PDE7A: variants seen among roughly 807,000 people sequenced by gnomAD.
PDE7A encodes the protein phosphodiesterase 7A, also known as high affinity 3',5'-cyclic-AMP phosphodiesterase 7A.
A neutral mutation model predicts 64.3 loss-of-function variants in PDE7A; 39 were observed. The observed-to-expected ratio is 0.61, with a 90% CI of 0.47 to 0.79. The LOEUF (loss-of-function observed/expected upper bound fraction) is 0.79, where lower values mean the gene tolerates loss of function less well. PDE7A is among the 30% of genes least tolerant of loss of function. The pLI is 0.00. For missense variants in PDE7A, 470 were observed against 582.8 expected (o/e 0.81, Z 1.99); for synonymous variants, 203 against 206.8 (o/e 0.98, Z 0.16).
chr8:65,757,776 G>A (rs370061236), intron 3 of PDE7A, among the ~76,000 whole-genome samples: 2 of 151,992 alleles, frequency 1.3e-5, no homozygotes, highest in East Asian at 1.9e-4. Context: ...GTGCCACCAC[G>A]CCCGGCTAAC....
At chr8:65,719,539 C>T (rs1393952678) in intron 12 of PDE7A, 44 bp from the exon 13 acceptor site, 1 of 1,263,622 alleles carries the variant, frequency 7.9e-7, no homozygotes, top group East Asian at 2.3e-5. Context: ...TATGCTGAAA[C>T]TCTATCTTTA....
At chr8:65,812,728 T>C (rs1485112802) in intron 1 of PDE7A, among the ~76,000 whole-genome samples, 1 of 152,228 alleles carries the variant, frequency 6.6e-6, no homozygotes, top group African/African-American at 2.4e-5. Context: ...ATACGTATTT[T>C]TGAAAAATAC....
chr8:65,825,422 C>A (rs1020661946), intron 1 of PDE7A, among the ~76,000 whole-genome samples: 1 of 152,188 alleles, frequency 6.6e-6, no homozygotes, highest in Non-Finnish European at 1.5e-5. Flanking sequence ...TCAGCCTCCA[C>A]ACCAGCATAG....
rs535121859 is a variant in PDE7A, at chr8:65,717,620, C to A, written c.*1670G>T. 1 of 152,252 alleles carries A rather than the reference C, an allele frequency of 6.6e-6. No individual in the cohort carries two copies. Among genetic ancestry groups the A allele is most frequent in the African/African-American group, 2.4e-5 (1 of 41,558 alleles). The allele number at this position is 152,252 out of a possible 1,614,324, so 9.4% of individuals were successfully genotyped here. A position where few individuals can be genotyped will look rare whatever the true frequency, so the allele number is the denominator to read the frequency against. On this transcript the variant is annotated 3_prime_UTR_variant, in exon 13 of 13. Transcript: ENST00000401827. Reference sequence around the variant, plus strand: ...GAGCCAAGAAGCTAACTTTGATTTCCTTGTAATTTAGCATTGTGTTTTCCA... The same window carrying A: ...GAGCCAAGAAGCTAACTTTGATTTCATTGTAATTTAGCATTGTGTTTTCCA...
intron 1 of PDE7A, among the ~76,000 whole-genome samples, chr8:65,833,105 T>C (rs1311873840): frequency 6.6e-6 from 1 of 152,142 alleles, no homozygotes; most frequent in South Asian, 2.1e-4. Flanking sequence ...CCAATCGAAA[T>C]CTATAACATA....
Position 65,841,973 on chromosome 8 carries a change from G to A in PDE7A, c.-465C>T. ...GCAGCGACCAGCTCGGGCCGCCGCC[G>A]CCGCCGCCGCCGCCGCCGCCGGAGT... On this transcript the variant is annotated 5_prime_UTR_variant, in exon 1 of 13. Coordinates refer to ENST00000401827, the MANE Select transcript of PDE7A (RefSeq NM_001242318.3). 2 of 216,238 alleles carry A rather than the reference G, an allele frequency of 9.2e-6. No homozygotes were observed. The highest frequency in any genetic ancestry group is 3.9e-5 in the South Asian group (1 of 25,936). 13.4% of individuals were successfully genotyped at this position (216,238 alleles called of 1,614,324 possible). A position where few individuals can be genotyped will look rare whatever the true frequency, so the allele number is the denominator to read the frequency against.
intron 1 of PDE7A, among the ~76,000 whole-genome samples, chr8:65,787,013 T>A (rs905147750): frequency 6.6e-6 from 1 of 152,200 alleles, no homozygotes; most frequent in Non-Finnish European, 1.5e-5. Flanking sequence ...AGGTAAATGA[T>A]AAAAGGTGTA....
At chr8:65,757,790 T>C (rs938182077) in intron 3 of PDE7A, among the ~76,000 whole-genome samples, 5 of 152,120 alleles carry the variant, frequency 3.3e-5, no homozygotes, top group African/African-American at 1.2e-4. Flanking sequence ...GGCTAACTTT[T>C]GCATTTTTAG....
At chr8:65,768,065 A>G (rs1348600759) in intron 3 of PDE7A, among the ~76,000 whole-genome samples, 1 of 152,110 alleles carries the variant, frequency 6.6e-6, no homozygotes, top group Non-Finnish European at 1.5e-5. Context: ...GAGGACACCC[A>G]GTTGGTGTCC....
At chr8:65,821,169 A>C (rs998961691) in intron 1 of PDE7A, among the ~76,000 whole-genome samples, 1 of 152,064 alleles carries the variant, frequency 6.6e-6, no homozygotes, top group Non-Finnish European at 1.5e-5. Context: ...TTTTTAAAAA[A>C]ACAAAACAAA....
intron 1 of PDE7A, among the ~76,000 whole-genome samples, chr8:65,788,637 G>T (rs1441283981): frequency 1.3e-5 from 2 of 152,106 alleles, no homozygotes; most frequent in South Asian, 4.2e-4. Context: ...CAGTGATACT[G>T]AGGAATGCTG....
At chr8:65,778,813 A>T (rs943667502) in intron 3 of PDE7A, among the ~76,000 whole-genome samples, 1 of 152,232 alleles carries the variant, frequency 6.6e-6, no homozygotes, top group Non-Finnish European at 1.5e-5. Context: ...GATCACATTA[A>T]TGTATTCGGT....
chr8:65,773,216 C>A (rs1464223053), intron 3 of PDE7A, among the ~76,000 whole-genome samples: 1 of 152,014 alleles, frequency 6.6e-6, no homozygotes, highest in East Asian at 1.9e-4. Context: ...AAAAGAATTC[C>A]AAGCTGTGTG....
intron 1 of PDE7A, among the ~76,000 whole-genome samples, chr8:65,810,046 A>G (rs933150889): frequency 1.3e-5 from 2 of 152,252 alleles, no homozygotes; most frequent in Non-Finnish European, 2.9e-5. Flanking sequence ...ACACATGCAC[A>G]CATATGTTTA....
At chr8:65,725,636 C>G (rs552318017) in intron 9 of PDE7A, 6 of 152,218 alleles carry the variant, frequency 3.9e-5, no homozygotes, top group African/African-American at 1.2e-4. Flanking sequence ...ATAGCAAATA[C>G]TATCTCTGTA....
At chr8:65,792,801 T>C (rs1368882810) in intron 1 of PDE7A, among the ~76,000 whole-genome samples, 2 of 152,162 alleles carry the variant, frequency 1.3e-5, no homozygotes, top group African/African-American at 4.8e-5. Flanking sequence ...ATTCTTCAAA[T>C]GGTATGAATT....
chr8:65,734,975 C>T (rs2128897678), intron 6 of PDE7A, 81 bp from the exon 7 acceptor site: 1 of 854,922 alleles, frequency 1.2e-6, no homozygotes. Context: ...TTATGAGTTA[C>T]CCACTCATAC....
At chr8:65,824,161 A>G (rs977860659) in intron 1 of PDE7A, among the ~76,000 whole-genome samples, 9 of 152,120 alleles carry the variant, frequency 5.9e-5, no homozygotes, top group South Asian at 4.1e-4. Context: ...TCTTATCTCT[A>G]TGTCACATTT....
At chr8:65,816,245 T>A (rs796803691) in intron 1 of PDE7A, among the ~76,000 whole-genome samples, 14 of 152,288 alleles carry the variant, frequency 9.2e-5, no homozygotes, top group Admixed American at 6.5e-4. Flanking sequence ...AAATTTTGAG[T>A]ATCATTATCA....
Sources: gnomAD v4.1 joint callset for allele counts (sites outside exome capture counted in the v4.1 genomes callset) on GRCh38, gnomAD v4.1.1 for gene constraint, MANE v1.5 for transcripts, NCBI Gene and HGNC (gene_info 2026-07-23, HGNC 2026-07-21) for gene names.